Variants in KL observed in about 807,000 individuals in gnomAD.
KL encodes klotho, also known as alpha-klotho.
Under a neutral mutation model 84.2 loss-of-function variants are expected in KL, and 62 were observed. The observed-to-expected ratio is 0.74, with a 90% CI of 0.60 to 0.91. The LOEUF (loss-of-function observed/expected upper bound fraction) is 0.91, where lower values mean the gene tolerates loss of function less well. Ranked by LOEUF, KL falls within the 40% of genes least tolerant of loss-of-function variation. The pLI is 0.00. For synonymous variants in KL, 528 were observed against 528.0 expected, an observed-to-expected ratio of 1.00 and a Z score of 0.00; for missense variants, 1,261 against 1,305.7, an observed-to-expected ratio of 0.97 and a Z score of 0.53.
At chr13:33,051,338 A>G (rs1314026949) in intron 1 of KL, among the ~76,000 whole-genome samples, 1 of 152,156 alleles carries the variant, frequency 6.6e-6, no homozygotes, top group Non-Finnish European at 1.5e-5. Context: ...CCAGGAGTTT[A>G]AGACCAGCCA....
At chr13:33,047,194 C>G (rs893367097) in intron 1 of KL, among the ~76,000 whole-genome samples, 14 of 152,034 alleles carry the variant, frequency 9.2e-5, no homozygotes, top group African/African-American at 3.1e-4. Context: ...ATGTTCAAAG[C>G]CTCCATTTTG....
intron 1 of KL, among the ~76,000 whole-genome samples, chr13:33,021,764 A>G (rs1232730249): frequency 6.6e-6 from 1 of 152,130 alleles, no homozygotes; most frequent in Admixed American, 6.5e-5. Flanking sequence ...GGTGCCTGTA[A>G]TCCCAGCTAC....
chr13:33,028,883 G>C (rs1042123755), intron 1 of KL, among the ~76,000 whole-genome samples: 1 of 152,200 alleles, frequency 6.6e-6, no homozygotes, highest in African/African-American at 2.4e-5. Flanking sequence ...CTGTGTAAGA[G>C]AGCTAAACCC....
Position 33,064,011 on chromosome 13 carries a change from G to A in KL, c.2864G>A (p.Gly955Asp). 1.2e-6 allele frequency: 2 copies of A among 1,614,190 alleles called. No homozygotes were observed. Among genetic ancestry groups the A allele is most frequent in the Non-Finnish European group, 1.7e-6 (2 of 1,180,028 alleles). Residue 955 changes from glycine (G) to aspartate (D), a missense_variant, in exon 5 of 5, where the codon GGC becomes GAC. Coordinates refer to ENST00000380099, the MANE Select transcript of KL (RefSeq NM_004795.4). ...ATTATTGACAGCAATGGTTTCCCGG[G>A]CCCAGAAACTCTGGAAAGATTTTGT... ...RKIIDSNGFP[G>D]PETLERFCPE... is the part of the protein sequence containing the mutation.
chr13:33,060,192 G>A (rs959295232), intron 3 of KL, among the ~76,000 whole-genome samples: 3 of 152,032 alleles, frequency 2.0e-5, no homozygotes, highest in East Asian at 3.9e-4. Context: ...TGACCCTCCC[G>A]CCTCGGCCTC....
intron 1 of KL, among the ~76,000 whole-genome samples, chr13:33,034,825 C>T (rs1871098748): frequency 6.6e-6 from 1 of 152,140 alleles, no homozygotes; most frequent in Non-Finnish European, 1.5e-5. Flanking sequence ...TCCACTTAGA[C>T]CAGTGAGTTC....
At chr13:33,021,686 C>T (rs879280605) in intron 1 of KL, among the ~76,000 whole-genome samples, 4 of 152,074 alleles carry the variant, frequency 2.6e-5, no homozygotes, top group East Asian at 1.9e-4. Context: ...AGTTTGAGAA[C>T]AGCCTGGCCA....
intron 1 of KL, among the ~76,000 whole-genome samples, chr13:33,047,426 C>T (rs1210496303): frequency 6.6e-6 from 1 of 150,802 alleles, no homozygotes; most frequent in Non-Finnish European, 1.5e-5. Flanking sequence ...AATCTTGGCT[C>T]ACTGCAATCT....
At chr13:33,018,821 T>C (rs1321199407) in intron 1 of KL, among the ~76,000 whole-genome samples, 2 of 152,198 alleles carry the variant, frequency 1.3e-5, no homozygotes, top group African/African-American at 2.4e-5. Flanking sequence ...CAAGTTCTAT[T>C]TTTAGAGTCC....
intron 1 of KL, among the ~76,000 whole-genome samples, chr13:33,034,668 G>T (rs1053647214): frequency 1.3e-5 from 2 of 152,102 alleles, no homozygotes; most frequent in African/African-American, 4.8e-5. Context: ...TATGTTTGTT[G>T]TTGGTTGTCG....
chr13:33,060,927 G>A lies in KL; in HGVS notation c.1848G>A (p.Leu616=), dbSNP rs1872157300. 9 of 1,613,634 alleles carry A rather than the reference G, an allele frequency of 5.6e-6. No homozygotes were observed. The East Asian group carries it at 2.0e-4, about 36-fold the overall frequency. The change falls in exon 4 of 5, where the codon CTG becomes CTA. Residue 616 remains leucine, a synonymous_variant. Coordinates refer to ENST00000380099, the MANE Select transcript of KL (RefSeq NM_004795.4). The part of the protein sequence containing the change: ...GNQSQVNHTI[L]QYYRCMASEL... ...AGTCCCAGGTGAACCACACCATCCTGCAGTACTATCGCTGCATGGCCAGCG... is the reference window on the plus strand; with the variant it reads ...AGTCCCAGGTGAACCACACCATCCTACAGTACTATCGCTGCATGGCCAGCG...
At chr13:33,041,140 C>T (rs985880831) in intron 1 of KL, among the ~76,000 whole-genome samples, 1 of 152,058 alleles carries the variant, frequency 6.6e-6, no homozygotes, top group African/African-American at 2.4e-5. Flanking sequence ...ACAATGAGTA[C>T]ATTTACATAG....
intron 1 of KL, among the ~76,000 whole-genome samples, chr13:33,021,510 G>A (rs1317086157): frequency 6.6e-6 from 1 of 152,138 alleles, no homozygotes; most frequent in South Asian, 2.1e-4. Context: ...TAGTATGAGC[G>A]ATTTGTCTAC....
chr13:33,016,847 C>T lies in KL; in HGVS notation c.407C>T (p.Thr136Met). 1 of 1,612,862 alleles carries T rather than the reference C, an allele frequency of 6.2e-7. No individual in the cohort carries two copies. Among genetic ancestry groups the T allele is most frequent in the South Asian group, 1.1e-5 (1 of 91,070 alleles). The change falls in exon 1 of 5, where the codon ACG becomes ATG. Residue 136 changes from threonine to methionine, a missense_variant. Thr to Met is a moderately conservative substitution (Grantham distance 81). Transcript: ENST00000380099. ...AGCTACAACAACGTCTTCCGCGACA[C>T]GGAGGCGCTGCGCGAGCTCGGGGTC... Reference protein sequence around the residue: ...SDSYNNVFRDTEALRELGVTH... With the variant: ...SDSYNNVFRDMEALRELGVTH...
intron 1 of KL, among the ~76,000 whole-genome samples, chr13:33,028,639 A>C (rs963359564): frequency 2.6e-5 from 4 of 152,300 alleles, no homozygotes; most frequent in African/African-American, 9.6e-5. Context: ...TTCCCTGGGG[A>C]AGTTTCTGCT....
intron 3 of KL, among the ~76,000 whole-genome samples, chr13:33,056,686 G>A (rs1306245154): frequency 6.6e-6 from 1 of 151,436 alleles, no homozygotes; most frequent in African/African-American, 2.4e-5. Context: ...GGCACCTGTA[G>A]TCCCAGCTAC....
chr13:33,022,451 T>C (rs1156478423), intron 1 of KL, among the ~76,000 whole-genome samples: 1 of 152,232 alleles, frequency 6.6e-6, no homozygotes, highest in Non-Finnish European at 1.5e-5. Flanking sequence ...CAAGTAATAA[T>C]AGGTGAGTAA....
At chr13:33,057,593 C>G (rs1872012223) in intron 3 of KL, among the ~76,000 whole-genome samples, 2 of 152,034 alleles carry the variant, frequency 1.3e-5, no homozygotes, top group South Asian at 4.2e-4. Flanking sequence ...GCTTGGGGAC[C>G]CCACCCCTCC....
intron 1 of KL, among the ~76,000 whole-genome samples, chr13:33,027,506 C>G (rs1870821966): frequency 6.6e-6 from 1 of 152,250 alleles, no homozygotes; most frequent in Non-Finnish European, 1.5e-5. Context: ...CTCTACTCTT[C>G]CACTGTAGGA....
Sources: allele counts gnomAD v4.1 joint callset (sites outside exome capture counted in the v4.1 genomes callset), GRCh38; gene constraint gnomAD v4.1.1; transcripts MANE v1.5; gene names NCBI Gene and HGNC (gene_info 2026-07-23, HGNC 2026-07-21).